Variants in KYAT1 observed in about 807,000 individuals in gnomAD.
The protein encoded by KYAT1 is kynurenine aminotransferase 1, also known as kynurenine--oxoglutarate transaminase 1.
In KYAT1, 47 loss-of-function variants were observed where a neutral mutation model predicts 52.4. The observed-to-expected ratio is 0.90, with a 90% CI of 0.71 to 1.14. KYAT1 has a LOEUF of 1.14. KYAT1 is among the 50% of genes most tolerant of loss of function. The pLI is 0.00. For missense variants in KYAT1, 480 were observed against 557.9 expected (o/e 0.86, Z 1.41); for synonymous variants, 212 against 209.6 (o/e 1.01, Z -0.10).
At chr9:128,882,222 T>A (rs1011026207), upstream of KYAT1, 9 of 152,958 alleles carry the variant, frequency 5.9e-5, no homozygotes, top group South Asian at 1.9e-4. Flanking sequence ...TGGGGCTGCC[T>A]GCCGGGCGGC....
intron 2 of KYAT1, 94 bp from the exon 3 acceptor site, chr9:128,842,895 GGT>G (rs1832453656): frequency 7.5e-7 from 1 of 1,326,236 alleles, no homozygotes. Context: ...GGCCAGGTGT[GGT>G]GGCTCACGCC....
At chr9:128,838,540 C>G (rs1219671838) in intron 3 of KYAT1, among the ~76,000 whole-genome samples, 173 bp from the exon 4 acceptor site, 1 of 152,222 alleles carries the variant, frequency 6.6e-6, no homozygotes, top group Non-Finnish European at 1.5e-5. Context: ...CTCTGGATTC[C>G]TCTACACACC....
chr9:128,840,726 AGTT>A, intron 3 of KYAT1: 4 of 419,402 alleles, frequency 9.5e-6, no homozygotes, highest in South Asian at 7.1e-5. Context: ...TTATTTACTT[AGTT>A]GTTTGTTTAT....
At chr9:128,868,015 C>T (rs1357335686) in intron 1 of KYAT1, among the ~76,000 whole-genome samples, 3 of 152,160 alleles carry the variant, frequency 2.0e-5, no homozygotes, top group East Asian at 1.9e-4. Flanking sequence ...CCTCGTGAGC[C>T]ACCCGCCTTG....
Position 128,843,148 on chromosome 9 carries a change from C to T in KYAT1, c.54-347G>A, listed in dbSNP as rs116107448. Among the ~76,000 whole-genome samples the T allele has an allele frequency of 1.9e-3, 292 of 152,236 alleles. 4 individuals are homozygous for T. Among genetic ancestry groups the T allele is most frequent in the African/African-American group, 6.3e-3 (260 of 41,556 alleles). On this transcript the variant is annotated intron_variant, in intron 2 of 12. Coordinates refer to ENST00000302586, the MANE Select transcript of KYAT1 (RefSeq NM_004059.5). ...CACCATTGCACTGCAGCCTGGATAA[C>T]AAGAGTGAGATTCTGTCTTAAAAAA...
At chr9:128,846,823 G>A (rs760524464) in intron 1 of KYAT1, 133 of 1,535,532 alleles carry the variant, frequency 8.7e-5, no homozygotes, top group Middle Eastern at 6.7e-4. Context: ...CTGGTGGGCC[G>A]TGGAGCTGGG....
chr9:128,859,713 A>G (rs1345614012), intron 1 of KYAT1, among the ~76,000 whole-genome samples: 2 of 150,038 alleles, frequency 1.3e-5, no homozygotes, highest in African/African-American at 4.9e-5. Context: ...CAGTGGCGCG[A>G]TCTCGGCTCA....
chr9:128,835,085 C>T (rs1158166583), intron 11 of KYAT1: 1 of 506,758 alleles, frequency 2.0e-6, no homozygotes, highest in Non-Finnish European at 3.6e-6. Context: ...TGCAGTGAGC[C>T]AAGATCGCGC....
chr9:128,865,229 C>T (rs1353453028), intron 1 of KYAT1, among the ~76,000 whole-genome samples: 1 of 131,846 alleles, frequency 7.6e-6, no homozygotes, highest in East Asian at 2.2e-4. Flanking sequence ...TGTCCCTCCC[C>T]ACATCCCTCC....
intron 1 of KYAT1, among the ~76,000 whole-genome samples, chr9:128,881,232 C>T (rs1042093274): frequency 3.3e-5 from 5 of 152,142 alleles, no homozygotes; most frequent in African/African-American, 1.2e-4. Flanking sequence ...AGGCGCCCAC[C>T]ACCACGCCCG....
At chr9:128,833,860 C>T in intron 11 of KYAT1, 34 bp from the exon 12 acceptor site, 1 of 1,585,732 alleles carries the variant, frequency 6.3e-7, no homozygotes, top group Non-Finnish European at 8.7e-7. Context: ...TCAACACGGC[C>T]TCGTGGCCCA....
At chr9:128,847,307 C>T in intron 1 of KYAT1, 1 of 623,532 alleles carries the variant, frequency 1.6e-6, no homozygotes, top group Non-Finnish European at 2.8e-6. Context: ...AGCCCACATA[C>T]AGGCTGCAGT....
rs181529281 is a variant in KYAT1 at position 128,873,468 on chromosome 9, A to T, written c.-7+8429T>A. On this transcript the variant is annotated intron_variant, in intron 1 of 12. Transcript: ENST00000302586. ...GTTATAAAAGTTTATCAAGGAAAAA[A>T]TTTTATTGCAAATAGCTTGGGCCAG... Among the ~76,000 whole-genome samples, 63 of 152,158 alleles carry T rather than the reference A, an allele frequency of 4.1e-4. No homozygotes were observed. In the East Asian group the frequency reaches 9.8e-3, roughly 24 times the overall value.
intron 6 of KYAT1, 143 bp from the exon 7 acceptor site, chr9:128,837,065 G>T: frequency 9.6e-7 from 1 of 1,040,844 alleles, no homozygotes; most frequent in Non-Finnish European, 1.4e-6. Flanking sequence ...AGGCCGAGGC[G>T]GGCGGAACAC....
At chr9:128,848,275 C>T (rs1833413545) in intron 1 of KYAT1, among the ~76,000 whole-genome samples, 1 of 149,574 alleles carries the variant, frequency 6.7e-6, no homozygotes, top group African/African-American at 2.5e-5. Context: ...AGCCATGATC[C>T]CACCACTGCA....
intron 1 of KYAT1, among the ~76,000 whole-genome samples, chr9:128,846,469 C>T (rs1051227890): frequency 6.6e-6 from 1 of 151,802 alleles, no homozygotes. Flanking sequence ...CGTCATGACA[C>T]ATGCCTGTAA....
At chr9:128,881,386 C>G (rs981432265) in intron 1 of KYAT1, among the ~76,000 whole-genome samples, 3 of 152,194 alleles carry the variant, frequency 2.0e-5, no homozygotes, top group Non-Finnish European at 4.4e-5. Flanking sequence ...CGGCCCAACG[C>G]TGTTTTTACT....
In KYAT1 at chr9:128,838,081, C is replaced by T; in HGVS notation, c.408G>A (p.Gly136=). The T allele has an allele frequency of 2.5e-6, 4 of 1,614,120 alleles. No individual in the cohort carries two copies. Among genetic ancestry groups the T allele is most frequent in the Non-Finnish European group, 3.4e-6 (4 of 1,180,016 alleles). ...DCYEPMTMMA[G]GRPVFVSLKP... ...TCAGGGACACAAACACAGGACGACC[C>T]CCTGCCATCATTGTCATGGGCTCGT... Residue 136 remains glycine, a synonymous_variant, in exon 5 of 13, where the codon GGG becomes GGA. Coordinates refer to ENST00000302586, the MANE Select transcript of KYAT1 (RefSeq NM_004059.5).
chr9:128,837,163 G>A (rs1437844393), intron 6 of KYAT1, among the ~76,000 whole-genome samples: 31 of 152,112 alleles, frequency 2.0e-4, no homozygotes, highest in African/African-American at 7.0e-4. Context: ...GCATGGTGGC[G>A]GGTGCCTGTA....
Sources: gnomAD v4.1 joint callset for allele counts (sites outside exome capture counted in the v4.1 genomes callset) on GRCh38, gnomAD v4.1.1 for gene constraint, MANE v1.5 for transcripts, NCBI Gene and HGNC (gene_info 2026-07-23, HGNC 2026-07-21) for gene names.